The following FLI1 variants were observed in gnomAD, a reference collection of about 807,000 sequenced individuals.
FLI1 encodes the protein Friend leukemia integration 1 transcription factor.
Under a neutral mutation model 53.1 loss-of-function variants are expected in FLI1, and 13 were observed. The ratio of observed to expected loss-of-function variants is 0.24; its 90% CI spans 0.16 to 0.39. The LOEUF is 0.39. FLI1 is among the 10% of genes least tolerant of loss of function. FLI1 has a pLI of 1.00. For synonymous variants in FLI1, 244 were observed against 236.7 expected (o/e 1.03, Z -0.28); for missense variants, 424 against 600.5 (o/e 0.71, Z 3.07).
At chr11:128,705,007 G>A (rs982176834) in intron 1 of FLI1, among the ~76,000 whole-genome samples, 1 of 152,190 alleles carries the variant, frequency 6.6e-6, no homozygotes, top group Non-Finnish European at 1.5e-5. Context: ...GTTACTCATG[G>A]TCATACAGGT....
At chr11:128,736,305 C>A (rs1351182506) in intron 1 of FLI1, among the ~76,000 whole-genome samples, 1 of 152,182 alleles carries the variant, frequency 6.6e-6, no homozygotes, top group East Asian at 1.9e-4. Context: ...ATTTTGGAAT[C>A]TTAAGAAACT....
At chr11:128,745,155 A>G (rs563626932) in intron 1 of FLI1, among the ~76,000 whole-genome samples, 2 of 152,330 alleles carry the variant, frequency 1.3e-5, no homozygotes, top group South Asian at 4.1e-4. Flanking sequence ...AGTCTTACAT[A>G]ACAAGAAGAA....
chr11:128,788,397 A>G (rs547969809), intron 5 of FLI1, among the ~76,000 whole-genome samples: 2 of 152,192 alleles, frequency 1.3e-5, no homozygotes, highest in East Asian at 3.9e-4. Context: ...TGAACCCGGG[A>G]GGCGGAGGTT....
At chr11:128,769,180 T>C (rs1381325689) in intron 3 of FLI1, among the ~76,000 whole-genome samples, 4 of 152,194 alleles carry the variant, frequency 2.6e-5, no homozygotes, top group Non-Finnish European at 4.4e-5. Flanking sequence ...CTTCAGTCCA[T>C]TGGCTGGACA....
chr11:128,779,743 G>A (rs1941851532), intron 4 of FLI1, among the ~76,000 whole-genome samples: 1 of 152,206 alleles, frequency 6.6e-6, no homozygotes, highest in Admixed American at 6.5e-5. Context: ...ATAAGAGGCA[G>A]GTCTAATTTT....
At chr11:128,758,450 G>A (rs1940983880) in intron 2 of FLI1, 124 bp downstream of exon 2, 2 of 760,498 alleles carry the variant, frequency 2.6e-6, no homozygotes, top group Non-Finnish European at 4.4e-6. Flanking sequence ...CAGGAAGCCT[G>A]TGTCAGTCCC....
intron 1 of FLI1, among the ~76,000 whole-genome samples, chr11:128,700,638 C>T (rs965610155): frequency 3.3e-5 from 5 of 152,088 alleles, no homozygotes; most frequent in African/African-American, 4.8e-5. Flanking sequence ...CTTTGGGAGA[C>T]GGAAATGGGT....
intron 5 of FLI1, among the ~76,000 whole-genome samples, chr11:128,793,980 C>T (rs1162550276): frequency 6.6e-6 from 1 of 152,180 alleles, no homozygotes. Flanking sequence ...TAGAGCTCCA[C>T]TACAGTTCTC....
chr11:128,790,297 C>CAG (rs1041083816), intron 5 of FLI1, among the ~76,000 whole-genome samples: 3 of 140,556 alleles, frequency 2.1e-5, no homozygotes, highest in Non-Finnish European at 3.0e-5. Context: ...GAGAGAGAGA[C>CAG]AGAGAGAGAG....
At chr11:128,714,973 C>T (rs1411798094) in intron 1 of FLI1, among the ~76,000 whole-genome samples, 1 of 152,170 alleles carries the variant, frequency 6.6e-6, no homozygotes, top group Non-Finnish European at 1.5e-5. Flanking sequence ...TCCCAAAGTG[C>T]TGGGATGACA....
At chr11:128,716,223 A>G (rs1157507087) in intron 1 of FLI1, among the ~76,000 whole-genome samples, 1 of 152,170 alleles carries the variant, frequency 6.6e-6, no homozygotes, top group Non-Finnish European at 1.5e-5. Flanking sequence ...TTTTGAGTTT[A>G]AATTCTGGAC....
intron 3 of FLI1, among the ~76,000 whole-genome samples, chr11:128,771,400 C>T (rs76059871): frequency 0.011 from 1,699 of 152,324 alleles, 39 homozygotes; most frequent in African/African-American, 0.039. Context: ...CAGATTCTCA[C>T]ACATAAAAAC....
At chr11:128,782,713 G>A (rs977915370) in intron 5 of FLI1, among the ~76,000 whole-genome samples, 5 of 152,106 alleles carry the variant, frequency 3.3e-5, no homozygotes, top group South Asian at 4.1e-4. Context: ...AAATTTTAGC[G>A]ATGTCAATTC....
At chr11:128,760,726 C>T (rs985268789) in intron 2 of FLI1, among the ~76,000 whole-genome samples, 1 of 152,006 alleles carries the variant, frequency 6.6e-6, no homozygotes, top group Non-Finnish European at 1.5e-5. Context: ...CGGGGTTTTA[C>T]TATGTTGGCC....
intron 1 of FLI1, among the ~76,000 whole-genome samples, chr11:128,703,996 T>C (rs1239272075): frequency 6.6e-6 from 1 of 152,144 alleles, no homozygotes; most frequent in Non-Finnish European, 1.5e-5. Flanking sequence ...TTGGCTGGCC[T>C]AGGATCCGGA....
chr11:128,781,319 C>G (rs1348834927), intron 4 of FLI1, among the ~76,000 whole-genome samples: 1 of 152,152 alleles, frequency 6.6e-6, no homozygotes, highest in East Asian at 1.9e-4. Flanking sequence ...GTACATAAAC[C>G]CAGAAGATAC....
At chr11:128,708,164 G>A (rs1438742206) in intron 1 of FLI1, among the ~76,000 whole-genome samples, 2 of 152,156 alleles carry the variant, frequency 1.3e-5, no homozygotes, top group African/African-American at 2.4e-5. Flanking sequence ...CATGGGGGAG[G>A]AAGCTTTCAG....
intron 1 of FLI1, among the ~76,000 whole-genome samples, chr11:128,697,568 A>C (rs1938138865): frequency 6.6e-6 from 1 of 152,126 alleles, no homozygotes; most frequent in African/African-American, 2.4e-5. Context: ...CACCTCTTGA[A>C]TCTGTTTCCT....
chr11:128,774,953 G>C (rs942159232), intron 4 of FLI1, among the ~76,000 whole-genome samples: 1 of 152,160 alleles, frequency 6.6e-6, no homozygotes, highest in Non-Finnish European at 1.5e-5. Flanking sequence ...GCAGAGGATG[G>C]CATTTTGGGG....
Sources: gnomAD v4.1 joint callset for allele counts (sites outside exome capture counted in the v4.1 genomes callset) on GRCh38, gnomAD v4.1.1 for gene constraint, MANE v1.5 for transcripts, NCBI Gene and HGNC (gene_info 2026-07-23, HGNC 2026-07-21) for gene names.